Variants in DTWD2 observed in about 807,000 individuals in gnomAD.
The protein encoded by DTWD2 is DTW motif tRNA-uridine aminocarboxypropyltransferase 2.
Under a neutral mutation model 31.8 loss-of-function variants are expected in DTWD2, and 39 were observed. That is an observed-to-expected ratio of 1.22 (90% CI 0.95 to 1.60). The LOEUF is 1.60. Ranked by LOEUF, DTWD2 falls within the 40% of genes most tolerant of loss-of-function variation. DTWD2 has a pLI of 0.00. For missense variants in DTWD2, 515 were observed against 381.5 expected (o/e 1.35, Z -2.92); for synonymous variants, 180 against 142.8 (o/e 1.26, Z -1.86).
intron 4 of DTWD2, among the ~76,000 whole-genome samples, chr5:118,887,083 A>T (rs1371679963): frequency 6.6e-6 from 1 of 152,156 alleles, no homozygotes; most frequent in East Asian, 1.9e-4. Flanking sequence ...TAGCAAAAAA[A>T]TTTTTCTGAG....
intron 4 of DTWD2, among the ~76,000 whole-genome samples, chr5:118,875,413 T>C (rs995676123): frequency 3.2e-4 from 49 of 151,926 alleles, no homozygotes; most frequent in Non-Finnish European, 4.0e-4. Flanking sequence ...CATGGCAACC[T>C]GTATAAAGAA....
chr5:118,853,291 CTGT>C (rs1270526077), intron 4 of DTWD2, among the ~76,000 whole-genome samples: 1 of 152,152 alleles, frequency 6.6e-6, no homozygotes, highest in Non-Finnish European at 1.5e-5. Context: ...TGCTTATACA[CTGT>C]TGTTAAGAAT....
intron 3 of DTWD2, among the ~76,000 whole-genome samples, chr5:118,935,556 C>T (rs1277816645): frequency 6.6e-6 from 1 of 152,102 alleles, no homozygotes; most frequent in Non-Finnish European, 1.5e-5. Flanking sequence ...GGGGAGAAAT[C>T]CTCACATATT....
intron 1 of DTWD2, among the ~76,000 whole-genome samples, chr5:118,948,014 T>C (rs75389973): frequency 0.021 from 3,142 of 152,232 alleles, 116 homozygotes; most frequent in African/African-American, 0.071. Flanking sequence ...TAATATATAT[T>C]ATAAAAACAT....
Position 118,974,752 on chromosome 5 carries a change from T to C in DTWD2, c.218+13542A>G, listed in dbSNP as rs193163399. ...TTTTTTTTGGCCTGTTTGATGTATG[T>C]GTGAAACAATGTTGTCCAACAATAA... On this transcript the variant is annotated intron_variant, in intron 1 of 5. Coordinates refer to ENST00000510708, the MANE Select transcript of DTWD2 (RefSeq NM_173666.4). 1.8e-3 allele frequency: 726 copies of C among 394,254 alleles called. 5 individuals carry two copies. The highest frequency in any genetic ancestry group is 0.014 in the African/African-American group (664 of 47,532). The allele number at this position is 394,254 out of a possible 1,614,324, so 24.4% of individuals were successfully genotyped here. A position where few individuals can be genotyped will look rare whatever the true frequency, so the allele number is the denominator to read the frequency against.
intron 4 of DTWD2, among the ~76,000 whole-genome samples, chr5:118,881,565 C>G (rs1293275889): frequency 1.3e-5 from 2 of 152,064 alleles, no homozygotes; most frequent in Admixed American, 6.6e-5. Flanking sequence ...TTACATACTG[C>G]TATAAAGATA....
intron 4 of DTWD2, among the ~76,000 whole-genome samples, chr5:118,907,022 A>T (rs901841029): frequency 6.6e-6 from 1 of 152,220 alleles, no homozygotes; most frequent in African/African-American, 2.4e-5. Flanking sequence ...TGGGAACATG[A>T]TGACAAACTA....
intron 1 of DTWD2, among the ~76,000 whole-genome samples, chr5:118,945,995 G>A (rs1472312412): frequency 6.6e-6 from 1 of 152,142 alleles, no homozygotes; most frequent in Non-Finnish European, 1.5e-5. Context: ...TGGAATTTTA[G>A]ACTGAGATTA....
intron 1 of DTWD2, among the ~76,000 whole-genome samples, chr5:118,965,459 T>C (rs1261577436): frequency 8.6e-3 from 1 of 116 alleles, no homozygotes; most frequent in African/African-American, 0.024. Context: ...GCCATGATGA[T>C]GATGCGGTTT....
At position 118,944,555 on chromosome 5, in the gene DTWD2, T is replaced by G. The variant is rs375489293; in HGVS notation, c.309+4A>C. Reference sequence around the variant, plus strand: ...TTGAAATCCTGTATTTTACAAAATCTTACCTCTGCTGGATGCTGAATTATG... The same window carrying G: ...TTGAAATCCTGTATTTTACAAAATCGTACCTCTGCTGGATGCTGAATTATG... On this transcript the variant is annotated splice_donor_region_variant and intron_variant, in intron 2 of 5. Transcript: ENST00000510708. 2 of 1,612,622 alleles carry G rather than the reference T, an allele frequency of 1.2e-6. No homozygotes were observed. Among genetic ancestry groups the G allele is most frequent in the Non-Finnish European group, 1.7e-6 (2 of 1,179,302 alleles).
At chr5:118,847,074 A>G (rs1322645575) in intron 5 of DTWD2, among the ~76,000 whole-genome samples, 1 of 152,112 alleles carries the variant, frequency 6.6e-6, no homozygotes, top group Non-Finnish European at 1.5e-5. Flanking sequence ...GCCTGCTTCT[A>G]ACATTCTTTA....
At chr5:118,858,693 A>G (rs140288372) in intron 4 of DTWD2, among the ~76,000 whole-genome samples, 90 of 152,290 alleles carry the variant, frequency 5.9e-4, no homozygotes, top group African/African-American at 1.8e-3. Context: ...TTGCTATTTT[A>G]TTCCTATAAG....
At chr5:118,875,007 A>G (rs936094034) in intron 4 of DTWD2, among the ~76,000 whole-genome samples, 6 of 152,174 alleles carry the variant, frequency 3.9e-5, no homozygotes, top group African/African-American at 1.4e-4. Flanking sequence ...TCAGACAGTG[A>G]ACCTCTCCAC....
chr5:118,891,425 G>C (rs1752975761), intron 4 of DTWD2, among the ~76,000 whole-genome samples: 1 of 152,050 alleles, frequency 6.6e-6, no homozygotes, highest in Non-Finnish European at 1.5e-5. Flanking sequence ...ATGACTACTG[G>C]ACCAATTTAA....
chr5:118,960,970 G>A (rs934425326), intron 1 of DTWD2, among the ~76,000 whole-genome samples: 2 of 152,014 alleles, frequency 1.3e-5, no homozygotes, highest in African/African-American at 2.4e-5. Context: ...TTACCTAGTA[G>A]ATACTATGCT....
chr5:118,965,454 G>T (rs971719118), intron 1 of DTWD2, among the ~76,000 whole-genome samples: 3 of 54 alleles, frequency 0.056, no homozygotes, highest in African/African-American at 0.33. Flanking sequence ...AACGGGCCAT[G>T]ATGATGATGC....
At chr5:118,943,582 T>TGTCCACCAAATGGA (rs1387284211) in intron 2 of DTWD2, among the ~76,000 whole-genome samples, 1 of 149,034 alleles carries the variant, frequency 6.7e-6, no homozygotes, top group African/African-American at 2.5e-5. Context: ...AGAAAAAGGT[T>TGTCCACCAAATGGA]GTCCACCAAA....
chr5:118,966,120 GA>G (rs941365094), intron 1 of DTWD2, among the ~76,000 whole-genome samples: 3 of 151,940 alleles, frequency 2.0e-5, no homozygotes, highest in African/African-American at 7.3e-5. Context: ...GCATTGCCTA[GA>G]AAAAAACCCT....
chr5:118,947,379 G>A lies in DTWD2; in HGVS notation c.219-2730C>T, dbSNP rs368947360. Among the ~76,000 whole-genome samples, 38 of 152,330 alleles carry A rather than the reference G, an allele frequency of 2.5e-4. 2 individuals are homozygous for A. The highest frequency in any genetic ancestry group is 1.3e-3 in the Admixed American group (20 of 15,298). ...TTATTGCCGATGAAAGTGGCTCTAA[G>A]CGGGAAGGAGAGCTGGAAGAGGGAT... On this transcript the variant is annotated intron_variant, in intron 1 of 5. Coordinates refer to ENST00000510708, the MANE Select transcript of DTWD2 (RefSeq NM_173666.4).
Sources: gnomAD v4.1 joint callset for allele counts (sites outside exome capture counted in the v4.1 genomes callset) on GRCh38, gnomAD v4.1.1 for gene constraint, MANE v1.5 for transcripts, NCBI Gene and HGNC (gene_info 2026-07-23, HGNC 2026-07-21) for gene names.